Variants in CDCA2 observed in about 807,000 individuals in gnomAD.
CDCA2 encodes cell division cycle associated 2.
In CDCA2, 44 loss-of-function variants were observed where a neutral mutation model predicts 67.0. The ratio of observed to expected loss-of-function variants is 0.66; its 90% confidence interval spans 0.52 to 0.84. The LOEUF is 0.84. Among genes scored for constraint, CDCA2 ranks in the 40% least tolerant of loss-of-function variants. CDCA2 has a pLI of 0.00. For synonymous variants in CDCA2, 447 were observed against 418.7 expected (o/e 1.07, Z -0.82); for missense variants, 1,253 against 1,203.2 (o/e 1.04, Z -0.61).
At chr8:25,498,190 T>G (rs1403860749) in intron 13 of CDCA2, among the ~76,000 whole-genome samples, 1 of 152,030 alleles carries the variant, frequency 6.6e-6, no homozygotes, top group Admixed American at 6.6e-5. Context: ...GTTTTTGTGT[T>G]TTGTTGAATT....
At chr8:25,486,288 T>C (rs1803771913) in intron 11 of CDCA2, among the ~76,000 whole-genome samples, 1 of 152,208 alleles carries the variant, frequency 6.6e-6, no homozygotes, top group African/African-American at 2.4e-5. Flanking sequence ...TGCTCCCAGC[T>C]TTTCTGACAA....
chr8:25,469,055 C>T (rs954624362), intron 6 of CDCA2, among the ~76,000 whole-genome samples: 1 of 152,204 alleles, frequency 6.6e-6, no homozygotes. Context: ...TGCGCGCACG[C>T]GTGAATGGAG....
At chr8:25,470,803 C>T (rs1803122935) in intron 7 of CDCA2, among the ~76,000 whole-genome samples, 1 of 151,708 alleles carries the variant, frequency 6.6e-6, no homozygotes. Context: ...ACTCTCTTGC[C>T]CAGGCTGGAG....
intron 4 of CDCA2, among the ~76,000 whole-genome samples, chr8:25,462,617 C>G (rs537408691): frequency 1.1e-5 from 1 of 93,912 alleles, no homozygotes; most frequent in South Asian, 3.3e-4. Context: ...CAGAGTGAGA[C>G]TGTCTCAAAA....
rs1284246201 is a variant in CDCA2 at position 25,503,391 on chromosome 8, A to G, written c.1690A>G (p.Lys564Glu). Residue 564 changes from lysine to glutamate, a missense_variant, in exon 14 of 15, where the codon AAG (lysine) becomes GAG (glutamate). Lys to Glu is a moderately conservative substitution (Grantham distance 56, BLOSUM62 1). Transcript: ENST00000330560. ...TTCTCAGGTTTTAAAAAGTTGCAGA[A>G]AGAAGAAAGGAAAGGGAAAGAAAAG... is the stretch of plus-strand genomic sequence containing the variant. ...KKSQVLKSCR[K>E]KKGKGKKSVQ... 1.2e-6 allele frequency: 2 copies of G among 1,613,902 alleles called. No homozygotes were observed. The highest frequency in any genetic ancestry group is 2.2e-5 in the East Asian group (1 of 44,876).
intron 13 of CDCA2, among the ~76,000 whole-genome samples, chr8:25,492,789 TGTGA>T (rs1378352217): frequency 1.3e-5 from 2 of 152,198 alleles, no homozygotes; most frequent in African/African-American, 4.8e-5. Context: ...TGCAGGACAA[TGTGA>T]GTATTAACAA....
chr8:25,481,157 C>T (rs1431172404), intron 8 of CDCA2, among the ~76,000 whole-genome samples: 1 of 150,150 alleles, frequency 6.7e-6, no homozygotes, highest in African/African-American at 2.5e-5. Flanking sequence ...CAATAGCTCA[C>T]ACCTGTAATC....
chr8:25,507,273 GT>G lies in CDCA2; in HGVS notation c.2610del (p.Phe870LeufsTer31). On this transcript the variant is annotated frameshift_variant, in exon 15 of 15. Coordinates refer to ENST00000330560, the MANE Select transcript of CDCA2 (RefSeq NM_152562.4). LOFTEE classifies it low-confidence loss of function (END_TRUNC). The part of the protein sequence containing the change: ...VEISLENSEL[F>X]KDLSDAIEQT... ...AAATTAGTTTAGAAAATTCTGAACTGTTTAAAGATTTGTCTGATGCCATTGA... is the reference window on the plus strand; with the variant it reads ...AAATTAGTTTAGAAAATTCTGAACTGTTAAAGATTTGTCTGATGCCATTGA... The G allele has an allele frequency of 6.2e-7, 1 of 1,614,126 alleles. No individual in the cohort carries two copies. The highest frequency in any genetic ancestry group is 8.5e-7 in the Non-Finnish European group (1 of 1,180,032).
chr8:25,462,608 A>G (rs1802743519), intron 4 of CDCA2, among the ~76,000 whole-genome samples: 1 of 151,356 alleles, frequency 6.6e-6, no homozygotes, highest in Non-Finnish European at 1.5e-5. Context: ...TCTGGGCGAC[A>G]GAGTGAGACT....
At position 25,506,710 on chromosome 8, in the gene CDCA2, A is replaced by G. The variant is rs780364535; in HGVS notation, c.2044A>G (p.Ile682Val). 120 of 1,611,142 alleles carry G rather than the reference A, an allele frequency of 7.4e-5. No homozygotes were observed. Among genetic ancestry groups the G allele is most frequent in the Admixed American group, 1.7e-4 (10 of 59,368 alleles). Residue 682 changes from isoleucine (I) to valine (V), a missense_variant, in exon 15 of 15, where the codon ATA becomes GTA. Transcript: ENST00000330560. ...ATSDEDPNTN[I>V]MNINENKNIP... ...TTCTGATGAAGATCCAAATACAAAT[A>G]TAATGAACATTAATGAAAATAAAAA...
At chr8:25,503,740 C>T (rs1251646619) in intron 14 of CDCA2, among the ~76,000 whole-genome samples, 196 bp downstream of exon 14, 1 of 152,156 alleles carries the variant, frequency 6.6e-6, no homozygotes, top group Middle Eastern at 3.2e-3. Context: ...GACTTAGATC[C>T]TTTTCAGAAT....
intron 4 of CDCA2, among the ~76,000 whole-genome samples, chr8:25,463,234 G>C (rs540692278): frequency 6.6e-6 from 1 of 152,250 alleles, no homozygotes; most frequent in South Asian, 2.1e-4. Context: ...TGCTGATGGG[G>C]ATATATTTAG....
chr8:25,484,226 G>T lies in CDCA2; in HGVS notation c.1365+16G>T, dbSNP rs372516368. 3.1e-6 allele frequency: 5 copies of T among 1,611,192 alleles called. No individual in the cohort carries two copies. The highest frequency in any genetic ancestry group is 4.2e-6 in the Non-Finnish European group (5 of 1,177,664). On this transcript the variant is annotated intron_variant, in intron 10 of 14. Transcript: ENST00000330560. ...GGAGAATCTTGTAAGTATGAAAAGC[G>T]TGGAACAAGCTTGCCATATGTATTT... is the stretch of plus-strand genomic sequence containing the variant.
chr8:25,506,455 G>T lies in CDCA2; in HGVS notation c.1844-55G>T, dbSNP rs901079942. On this transcript the variant is annotated intron_variant, in intron 14 of 14. Transcript: ENST00000330560. The stretch of plus-strand genomic sequence containing the variant: ...CACCTGATTATTTAATAAATGTAAA[G>T]TTCATTCCCATTGTTACTTTTTAAT... 2.1e-6 allele frequency: 3 copies of T among 1,429,158 alleles called. No individual in the cohort carries two copies. The African/African-American group carries it at 4.3e-5, about 21-fold the overall frequency. 88.5% of individuals were successfully genotyped at this position (1,429,158 alleles called of 1,614,324 possible). A position where few individuals can be genotyped will look rare whatever the true frequency, so the allele number is the denominator to read the frequency against.
chr8:25,480,375 G>A (rs548980230), intron 8 of CDCA2, among the ~76,000 whole-genome samples: 2 of 152,006 alleles, frequency 1.3e-5, no homozygotes, highest in South Asian at 4.2e-4. Context: ...TTTATAAAGG[G>A]TCATAATCTT....
At chr8:25,469,304 C>T (rs1353974815) in intron 6 of CDCA2, among the ~76,000 whole-genome samples, 6 of 152,244 alleles carry the variant, frequency 3.9e-5, no homozygotes, top group Non-Finnish European at 8.8e-5. Flanking sequence ...CTTTGTATTT[C>T]AGTCGCCTGT....
At chr8:25,469,669 T>TGAATA (rs1803072316) in intron 6 of CDCA2, among the ~76,000 whole-genome samples, 1 of 152,240 alleles carries the variant, frequency 6.6e-6, no homozygotes, top group Non-Finnish European at 1.5e-5. Flanking sequence ...ATGCAGTTAA[T>TGAATA]ATGAATAGTT....
At chr8:25,481,470 C>T (rs1282447739) in intron 8 of CDCA2, among the ~76,000 whole-genome samples, 1 of 151,968 alleles carries the variant, frequency 6.6e-6, no homozygotes, top group African/African-American at 2.4e-5. Context: ...GCAGGTGGAT[C>T]ACAAGGTCAG....
chr8:25,495,475 C>T (rs959518138), intron 13 of CDCA2, among the ~76,000 whole-genome samples: 2 of 151,562 alleles, frequency 1.3e-5, no homozygotes, highest in Non-Finnish European at 2.9e-5. Flanking sequence ...AGTGCAGTGG[C>T]GTGAGCTCGG....
Sources: allele counts gnomAD v4.1 joint callset (sites outside exome capture counted in the v4.1 genomes callset), GRCh38; gene constraint gnomAD v4.1.1; transcripts MANE v1.5; gene names NCBI Gene and HGNC (gene_info 2026-07-23, HGNC 2026-07-21).